Variants in CCDC85C observed in about 807,000 individuals in gnomAD.
CCDC85C encodes the protein coiled-coil domain-containing protein 85C.
CCDC85C carries 18 observed loss-of-function variants against 38.3 expected under a neutral mutation model. That is an observed-to-expected ratio of 0.47 (90% CI 0.33 to 0.70). The LOEUF (loss-of-function observed/expected upper bound fraction) is 0.70, where lower values mean the gene tolerates loss of function less well. Among genes scored for constraint, CCDC85C ranks in the 30% least tolerant of loss-of-function variants. The pLI, the probability that CCDC85C is intolerant of heterozygous loss-of-function variation, is 0.03. For missense variants in CCDC85C, 566 were observed against 621.2 expected (o/e 0.91, Z 0.94); for synonymous variants, 264 against 293.8 (o/e 0.90, Z 1.04).
At chr14:99,595,371 C>CA in intron 1 of CCDC85C, among the ~76,000 whole-genome samples, 1 of 152,252 alleles carries the variant, frequency 6.6e-6, no homozygotes, top group African/African-American at 2.4e-5. Context: ...TCCTGCCTAC[C>CA]AAATAGCTGG....
At chr14:99,586,145 A>G (rs1417089130) in intron 1 of CCDC85C, among the ~76,000 whole-genome samples, 5 of 152,204 alleles carry the variant, frequency 3.3e-5, no homozygotes, top group Admixed American at 1.3e-4. Context: ...ACACGGGGCC[A>G]GGGCCAGTGC....
At chr14:99,554,383 C>G (rs1388099578) in intron 1 of CCDC85C, among the ~76,000 whole-genome samples, 1 of 152,236 alleles carries the variant, frequency 6.6e-6, no homozygotes, top group Non-Finnish European at 1.5e-5. Context: ...CCTGAGTGTG[C>G]CCGCCCGGCA....
In CCDC85C at chr14:99,502,363, C is replaced by G. The variant is rs1326548454; in HGVS notation, c.*12883G>C. 1 of 1,613,234 alleles carries G rather than the reference C, an allele frequency of 6.2e-7. No homozygotes were observed. The highest frequency in any genetic ancestry group is 1.7e-5 in the Admixed American group (1 of 59,916). ...AGCAGTTTGTTCAAGATGTCCCGGT[C>G]GACGTTTTGGAAGGTACCAGGCATG... On this transcript the variant is annotated 3_prime_UTR_variant, in exon 6 of 6. Coordinates refer to ENST00000380243, the MANE Select transcript of CCDC85C (RefSeq NM_001144995.2).
chr14:99,516,217 C>T lies in CCDC85C; in HGVS notation c.1141G>A (p.Glu381Lys). ...DSCEEDLSEK[E>K]KAIVREMCNV... Reference sequence around the variant, plus strand: ...CACATCTCGCGAACGATGGCCTTCTCCTTCTCACTCAGGTCCTCCTCACAG... The same window carrying T: ...CACATCTCGCGAACGATGGCCTTCTTCTTCTCACTCAGGTCCTCCTCACAG... Residue 381 changes from glutamate (E) to lysine (K), a missense_variant, in exon 5 of 6, where the codon GAG becomes AAG. Glu to Lys is a moderately conservative substitution (Grantham distance 56). Coordinates refer to ENST00000380243, the MANE Select transcript of CCDC85C (RefSeq NM_001144995.2). The surrounding 1 kb of genome is among the most constrained non-coding windows in gnomAD (Gnocchi z 5.5). The T allele has an allele frequency of 1.3e-6, 2 of 1,551,334 alleles. No homozygotes were observed. Among genetic ancestry groups the T allele is most frequent in the Non-Finnish European group, 1.7e-6 (2 of 1,146,958 alleles).
At chr14:99,577,413 G>A (rs77210500) in intron 1 of CCDC85C, among the ~76,000 whole-genome samples, 4,402 of 146,224 alleles carry the variant, frequency 0.03, 134 homozygotes, top group South Asian at 0.14. Flanking sequence ...GGACAGGGTG[G>A]GTGGGACAGA....
At chr14:99,517,884 C>T (rs758525588) in intron 3 of CCDC85C, among the ~76,000 whole-genome samples, 3 of 152,210 alleles carry the variant, frequency 2.0e-5, no homozygotes, top group Admixed American at 6.5e-5. Flanking sequence ...ACCACAGGGG[C>T]CCAACAGAAA....
At chr14:99,550,627 A>G (rs780205328) in intron 1 of CCDC85C, among the ~76,000 whole-genome samples, 1 of 152,180 alleles carries the variant, frequency 6.6e-6, no homozygotes, top group Non-Finnish European at 1.5e-5. Context: ...AAATGAGATA[A>G]AAACCCAACC....
At chr14:99,594,091 C>G (rs2055118278) in intron 1 of CCDC85C, among the ~76,000 whole-genome samples, 1 of 152,028 alleles carries the variant, frequency 6.6e-6, no homozygotes, top group African/African-American at 2.4e-5. Context: ...AAAAGAAGGA[C>G]AGGTGGGCAA....
At chr14:99,573,065 C>T in intron 1 of CCDC85C, 1 of 330,582 alleles carries the variant, frequency 3.0e-6, no homozygotes, top group East Asian at 7.5e-5. Context: ...TGAGAGGGGA[C>T]AAGTGAAGCC....
intron 1 of CCDC85C, among the ~76,000 whole-genome samples, chr14:99,547,645 G>A (rs957394330): frequency 1.3e-5 from 2 of 151,844 alleles, no homozygotes; most frequent in Non-Finnish European, 2.9e-5. Flanking sequence ...ATGGTGGCGG[G>A]CACCTGTAGT....
In CCDC85C at chr14:99,510,485, G is replaced by A. The variant is rs746815273; in HGVS notation, c.*4761C>T. On this transcript the variant is annotated 3_prime_UTR_variant, in exon 6 of 6. Coordinates refer to ENST00000380243, the MANE Select transcript of CCDC85C (RefSeq NM_001144995.2). Reference sequence around the variant, plus strand: ...ACCCCCATGTCTACCCGCCCAACCCGCCCCCGCCACCTGTGCCTCCTCCCC... The same window carrying A: ...ACCCCCATGTCTACCCGCCCAACCCACCCCCGCCACCTGTGCCTCCTCCCC... The A allele has an allele frequency of 8.1e-5, 51 of 627,032 alleles. No individual in the cohort carries two copies. In the Admixed American group the frequency reaches 1.8e-3, roughly 22 times the overall value. 38.8% of individuals were successfully genotyped at this position (627,032 alleles called of 1,614,324 possible). A position where few individuals can be genotyped will look rare whatever the true frequency, so the allele number is the denominator to read the frequency against.
rs1896838866 is a variant in CCDC85C at position 99,501,863 on chromosome 14, C to G, written c.*13383G>C. The G allele has an allele frequency of 4.2e-6, 1 of 235,316 alleles. No individual in the cohort carries two copies. Among genetic ancestry groups the G allele is most frequent in the African/African-American group, 2.3e-5 (1 of 43,348 alleles). The allele number at this position is 235,316 out of a possible 1,614,324, so 14.6% of individuals were successfully genotyped here. The stretch of plus-strand genomic sequence containing the variant: ...TCCCACTGCAGTCAGTGAAGCTTCT[C>G]TTACATTTGACTTCCTCCATAAGAT... On this transcript the variant is annotated 3_prime_UTR_variant, in exon 6 of 6. Transcript: ENST00000380243.
At chr14:99,593,446 G>C (rs889275606) in intron 1 of CCDC85C, among the ~76,000 whole-genome samples, 1 of 152,264 alleles carries the variant, frequency 6.6e-6, no homozygotes, top group Non-Finnish European at 1.5e-5. Context: ...CTGCGAAAGT[G>C]GGGTGGCGGA....
At chr14:99,590,801 A>C (rs938407995) in intron 1 of CCDC85C, among the ~76,000 whole-genome samples, 3 of 152,136 alleles carry the variant, frequency 2.0e-5, no homozygotes, top group African/African-American at 7.2e-5. Flanking sequence ...AATCACACTG[A>C]TGCCACCCTG....
chr14:99,531,827 G>A (rs181746940), intron 2 of CCDC85C, among the ~76,000 whole-genome samples: 34 of 152,304 alleles, frequency 2.2e-4, no homozygotes, highest in African/African-American at 7.0e-4. Context: ...TGAGGCTTAG[G>A]ACAGCATCTC....
At chr14:99,534,707 C>T (rs1897559693) in intron 2 of CCDC85C, 1 of 702,330 alleles carries the variant, frequency 1.4e-6, no homozygotes, top group African/African-American at 1.7e-5. Flanking sequence ...CCCGCCAGGT[C>T]TGCAATGGAA....
At chr14:99,566,264 G>GT (rs1229120589) in intron 1 of CCDC85C, among the ~76,000 whole-genome samples, 1 of 152,254 alleles carries the variant, frequency 6.6e-6, no homozygotes, top group African/African-American at 2.4e-5. Context: ...CCATGTGCCA[G>GT]GCACAGGGCC....
Position 99,502,668 on chromosome 14 carries a change from T to C in CCDC85C, c.*12578A>G. ...AACTGATTCTTTATCCAGGTAAAAT[T>C]TTATTTAAAATACCAATTTGTGTAA... On this transcript the variant is annotated 3_prime_UTR_variant, in exon 6 of 6. Coordinates refer to ENST00000380243, the MANE Select transcript of CCDC85C (RefSeq NM_001144995.2). The C allele has an allele frequency of 6.4e-7, 1 of 1,561,434 alleles. No homozygotes were observed. The highest frequency in any genetic ancestry group is 8.8e-7 in the Non-Finnish European group (1 of 1,135,176).
rs2055051831 is a variant in CCDC85C at position 99,588,616 on chromosome 14, T to G, written c.793+14551A>C. 6.6e-6 allele frequency among the ~76,000 whole-genome samples: 1 copy of G among 152,064 alleles called. No homozygotes were observed. On this transcript the variant is annotated intron_variant, in intron 1 of 5. Coordinates refer to ENST00000380243, the MANE Select transcript of CCDC85C (RefSeq NM_001144995.2). This position sits in a 1 kb window ranked among gnomAD's most constrained non-coding sequence, Gnocchi z 5.0. ...GAAGCGAGCTGGGGAGAGGGAAGCC[T>G]GGCACAGGTGGTGGCAAAGGGTCCC... is the stretch of plus-strand genomic sequence containing the variant.
Sources: allele counts gnomAD v4.1 joint callset (sites outside exome capture counted in the v4.1 genomes callset), GRCh38; gene constraint gnomAD v4.1.1; non-coding constraint Gnocchi (gnomAD v3.1); transcripts MANE v1.5; gene names NCBI Gene and HGNC (gene_info 2026-07-23, HGNC 2026-07-21).